The following RASGEF1C variants were observed in gnomAD, a reference collection of about 807,000 sequenced individuals.
RASGEF1C encodes the protein ras-GEF domain-containing family member 1C.
In RASGEF1C, 27 loss-of-function variants were observed where a neutral mutation model predicts 58.1. The observed-to-expected ratio is 0.46, with a 90% confidence interval of 0.34 to 0.64. The LOEUF (loss-of-function observed/expected upper bound fraction) is 0.64. RASGEF1C is among the 30% of genes least tolerant of loss of function. RASGEF1C has a pLI of 0.01. For missense variants in RASGEF1C, 502 were observed against 605.1 expected (o/e 0.83, Z 1.79); for synonymous variants, 243 against 246.3 (o/e 0.99, Z 0.13).
chr5:180,137,884 A>C lies in RASGEF1C; in HGVS notation c.169T>G (p.Tyr57Asp). The C allele has an allele frequency of 3.1e-6, 5 of 1,612,394 alleles. No individual in the cohort carries two copies. The South Asian group carries it at 5.5e-5, about 18-fold the overall frequency. The change falls in exon 2 of 14, where the codon TAC (tyrosine) becomes GAC (aspartate). Residue 57 changes from tyrosine to aspartate, a missense_variant. Tyr to Asp is a radical substitution (Grantham distance 160). Transcript: ENST00000361132. The surrounding 1 kb of genome is among the most constrained non-coding windows in gnomAD (Gnocchi z 4.1). ...IQHLVPTADY[Y>D]PEKAYIFTFL... The stretch of plus-strand genomic sequence containing the variant: ...CTGGGTGGATCACCCACCTCGGGGT[A>C]GTAGTCGGCTGTGGGCACCAGGTGC...
intron 1 of RASGEF1C, among the ~76,000 whole-genome samples, chr5:180,188,498 C>T (rs974616011): frequency 1.3e-5 from 2 of 152,116 alleles, no homozygotes; most frequent in Non-Finnish European, 2.9e-5. Context: ...TTGACAAAAT[C>T]CAAAATCCAT....
In RASGEF1C at chr5:180,169,903, C is replaced by T. The variant is rs577182374; in HGVS notation, c.-6-31845G>A. On this transcript the variant is annotated intron_variant, in intron 1 of 13. Coordinates refer to ENST00000361132, the MANE Select transcript of RASGEF1C (RefSeq NM_175062.4). Reference sequence around the variant, plus strand: ...GGGGCTGCGTGTTTGCTGTCCTCCCCCTGGGCTCCCTGCTCCAGGCCTCCG... The same window carrying T: ...GGGGCTGCGTGTTTGCTGTCCTCCCTCTGGGCTCCCTGCTCCAGGCCTCCG... Among the ~76,000 whole-genome samples, 180 of 152,196 alleles carry T rather than the reference C, an allele frequency of 1.2e-3. 1 individual carries two copies. The highest frequency in any genetic ancestry group is 4.2e-3 in the African/African-American group (176 of 41,528).
intron 1 of RASGEF1C, among the ~76,000 whole-genome samples, chr5:180,182,231 AG>A (rs66673293): frequency 0.055 from 7,189 of 131,572 alleles, 980 homozygotes; most frequent in Non-Finnish European, 0.088. Flanking sequence ...AAAAAAAAAA[AG>A]AATGAAGCCA....
At chr5:180,127,282 G>GGGGCCCT (rs1326306038) in intron 6 of RASGEF1C, among the ~76,000 whole-genome samples, 1 of 152,090 alleles carries the variant, frequency 6.6e-6, no homozygotes, top group Admixed American at 6.5e-5. Flanking sequence ...AGCGCGCCAG[G>GGGGCCCT]GGGCCCTCCA....
chr5:180,137,322 G>A lies in RASGEF1C; in HGVS notation c.300+268C>T, dbSNP rs1037939100. 6.6e-6 allele frequency among the ~76,000 whole-genome samples: 1 copy of A among 152,178 alleles called. No homozygotes were observed. On this transcript the variant is annotated intron_variant, in intron 3 of 13. Coordinates refer to ENST00000361132, the MANE Select transcript of RASGEF1C (RefSeq NM_175062.4). This position sits in a 1 kb window ranked among gnomAD's most constrained non-coding sequence, Gnocchi z 4.1. The stretch of plus-strand genomic sequence containing the variant: ...GAGGCAGCAGGCCCTCCCGGCCACA[G>A]ATGGGTCCTACTGACCGGGCTCCGG...
At chr5:180,102,292 T>TCTG in intron 12 of RASGEF1C, 149 bp from the exon 13 acceptor site, 2 of 579,258 alleles carry the variant, frequency 3.5e-6, no homozygotes, top group Non-Finnish European at 6.2e-6. Context: ...CTGTGCTGTC[T>TCTG]TAACGACAGT....
At chr5:180,157,393 G>A (rs1368766224) in intron 1 of RASGEF1C, among the ~76,000 whole-genome samples, 2 of 152,014 alleles carry the variant, frequency 1.3e-5, no homozygotes, top group Non-Finnish European at 2.9e-5. Flanking sequence ...AGGCCGAGGT[G>A]GGCGGATCAC....
Position 180,177,604 on chromosome 5 carries a change from CGTG to C in RASGEF1C, c.-7+31421_-7+31423del, listed in dbSNP as rs138194222. Among the ~76,000 whole-genome samples the C allele has an allele frequency of 7.8e-3, 1,195 of 152,302 alleles. 18 individuals are homozygous for C. Among genetic ancestry groups the C allele is most frequent in the African/African-American group, 0.027 (1,141 of 41,560 alleles). Reference sequence around the variant, plus strand: ...GCCCATTTGTCCTTCCTCTCCTGCCCGTGGTAGGAGGACATGGCCCTGGTGCCA... The same window carrying C: ...GCCCATTTGTCCTTCCTCTCCTGCCCGTAGGAGGACATGGCCCTGGTGCCA... On this transcript the variant is annotated intron_variant, in intron 1 of 13. Coordinates refer to ENST00000361132, the MANE Select transcript of RASGEF1C (RefSeq NM_175062.4). The surrounding 1 kb of genome is among the most constrained non-coding windows in gnomAD (Gnocchi z 5.0).
At chr5:180,147,719 A>G (rs1477717686) in intron 1 of RASGEF1C, among the ~76,000 whole-genome samples, 1 of 152,180 alleles carries the variant, frequency 6.6e-6, no homozygotes, top group African/African-American at 2.4e-5. Context: ...GTCCTAACAT[A>G]TGGTTTATCC....
At chr5:180,123,947 G>C (rs931940188) in intron 6 of RASGEF1C, among the ~76,000 whole-genome samples, 1 of 152,078 alleles carries the variant, frequency 6.6e-6, no homozygotes, top group African/African-American at 2.4e-5. Context: ...TGGAAACTTA[G>C]GGGAAATGGC....
intron 1 of RASGEF1C, among the ~76,000 whole-genome samples, chr5:180,182,002 G>A (rs1245916374): frequency 1.3e-5 from 2 of 151,702 alleles, no homozygotes; most frequent in African/African-American, 4.8e-5. Flanking sequence ...AGGAGATCGA[G>A]ACCATCCTGG....
At chr5:180,122,684 T>C (rs2113258736) in intron 6 of RASGEF1C, among the ~76,000 whole-genome samples, 1 of 146,982 alleles carries the variant, frequency 6.8e-6, no homozygotes, top group South Asian at 2.1e-4. Context: ...GAGGTTGCAG[T>C]GAGCCGAGAT....
intron 1 of RASGEF1C, among the ~76,000 whole-genome samples, chr5:180,144,769 A>G (rs1386551464): frequency 6.6e-6 from 1 of 152,138 alleles, no homozygotes; most frequent in African/African-American, 2.4e-5. Flanking sequence ...TTCATCATCA[A>G]TTGAAACCCT....
Position 180,173,725 on chromosome 5 carries a change from C to T in RASGEF1C, c.-7+35303G>A, listed in dbSNP as rs191248607. 2.3e-3 allele frequency among the ~76,000 whole-genome samples: 345 copies of T among 152,076 alleles called. 1 individual carries two copies. Among genetic ancestry groups the T allele is most frequent in the East Asian group, 3.3e-3 (17 of 5,168 alleles). ...GTCAGGAGTTTGAGACCAGCCTGGC[C>T]AACATGGTGAAACCCCGTCTCTACT... On this transcript the variant is annotated intron_variant, in intron 1 of 13. Transcript: ENST00000361132.
Position 180,156,813 on chromosome 5 carries a change from C to T in RASGEF1C, c.-6-18755G>A, listed in dbSNP as rs1055375710. On this transcript the variant is annotated intron_variant, in intron 1 of 13. Coordinates refer to ENST00000361132, the MANE Select transcript of RASGEF1C (RefSeq NM_175062.4). This position sits in a 1 kb window ranked among gnomAD's most constrained non-coding sequence, Gnocchi z 4.9. ...AAATAAAACATACAAAGAAATCTTACAACTTAATAATAAGAAAACAAACAA... is the reference window on the plus strand; with the variant it reads ...AAATAAAACATACAAAGAAATCTTATAACTTAATAATAAGAAAACAAACAA... Among the ~76,000 whole-genome samples the T allele has an allele frequency of 6.6e-6, 1 of 152,052 alleles. No homozygotes were observed. The highest frequency in any genetic ancestry group is 1.5e-5 in the Non-Finnish European group (1 of 67,998).
rs182894569 is a variant in RASGEF1C at position 180,118,295 on chromosome 5, G to A, written c.1083+314C>T. On this transcript the variant is annotated intron_variant, in intron 10 of 13. Coordinates refer to ENST00000361132, the MANE Select transcript of RASGEF1C (RefSeq NM_175062.4). ...GCTGACTCCGGAGAAGAGAGGAGAG[G>A]CCATGGGGGCTCTGAAGAACTGGTG... Among the ~76,000 whole-genome samples, 779 of 152,270 alleles carry A rather than the reference G, an allele frequency of 5.1e-3. 11 individuals carry two copies. Among genetic ancestry groups the A allele is most frequent in the African/African-American group, 0.018 (753 of 41,540 alleles).
chr5:180,195,182 G>A (rs1334361516), intron 1 of RASGEF1C, among the ~76,000 whole-genome samples: 1 of 149,938 alleles, frequency 6.7e-6, no homozygotes, highest in African/African-American at 2.5e-5. Flanking sequence ...GGAGCAGCTG[G>A]GGCATCGTGC....
At chr5:180,116,766 C>T (rs1406742006) in intron 10 of RASGEF1C, among the ~76,000 whole-genome samples, 5 of 152,256 alleles carry the variant, frequency 3.3e-5, no homozygotes, top group Non-Finnish European at 5.9e-5. Context: ...AGCTCCTGTA[C>T]ACCGACTCTG....
intron 10 of RASGEF1C, 50 bp from the exon 11 acceptor site, chr5:180,114,591 G>T: frequency 6.4e-7 from 1 of 1,559,564 alleles, no homozygotes; most frequent in Non-Finnish European, 8.7e-7. Context: ...CCACACAGCG[G>T]GCTCCAGGAC....
Sources: allele counts gnomAD v4.1 joint callset (sites outside exome capture counted in the v4.1 genomes callset), GRCh38; gene constraint gnomAD v4.1.1; non-coding constraint Gnocchi (gnomAD v3.1); transcripts MANE v1.5; gene names NCBI Gene and HGNC (gene_info 2026-07-23, HGNC 2026-07-21).